GRIA1: variants seen among roughly 807,000 people sequenced by gnomAD.
GRIA1 encodes the protein glutamate receptor 1.
GRIA1 carries 31 observed loss-of-function variants against 99.2 expected under a neutral mutation model. That is an observed-to-expected ratio of 0.31 (90% CI 0.23 to 0.42). The LOEUF (loss-of-function observed/expected upper bound fraction) is 0.42. Ranked by LOEUF, GRIA1 falls within the 10% of genes least tolerant of loss-of-function variation. The pLI is 1.00. For synonymous variants in GRIA1, 438 were observed against 432.4 expected, an observed-to-expected ratio of 1.01 and a Z score of -0.16; for missense variants, 782 against 1,157.5, an observed-to-expected ratio of 0.68 and a Z score of 4.71.
chr5:153,623,799 A>G (rs1367295680), intron 2 of GRIA1, among the ~76,000 whole-genome samples: 1 of 152,212 alleles, frequency 6.6e-6, no homozygotes, highest in African/African-American at 2.4e-5. Flanking sequence ...TTGGGAAGTG[A>G]TATCAATCAG....
At chr5:153,770,452 T>C (rs1423774889) in intron 13 of GRIA1, 37 bp downstream of exon 13, 1 of 1,589,408 alleles carries the variant, frequency 6.3e-7, no homozygotes, top group African/African-American at 1.3e-5. Flanking sequence ...GTACTCCCTC[T>C]CCCCTCCCTA....
At chr5:153,810,354 T>G (rs922953954) in intron 15 of GRIA1, among the ~76,000 whole-genome samples, 3 of 152,236 alleles carry the variant, frequency 2.0e-5, no homozygotes, top group African/African-American at 7.2e-5. Flanking sequence ...ATTTTGCATA[T>G]TGTATTATTC....
intron 13 of GRIA1, among the ~76,000 whole-genome samples, chr5:153,778,413 A>G (rs1764412240): frequency 1.3e-5 from 2 of 151,978 alleles, no homozygotes; most frequent in Non-Finnish European, 2.9e-5. Flanking sequence ...ACTTGTTGTT[A>G]ATATTATTGA....
chr5:153,504,575 G>A (rs1005270627), intron 2 of GRIA1, among the ~76,000 whole-genome samples: 1 of 152,096 alleles, frequency 6.6e-6, no homozygotes, highest in Admixed American at 6.6e-5. Flanking sequence ...AATGAGACAA[G>A]CACATACAAG....
intron 11 of GRIA1, among the ~76,000 whole-genome samples, chr5:153,743,862 C>A (rs1409582024): frequency 3.9e-5 from 6 of 152,170 alleles, no homozygotes; most frequent in Non-Finnish European, 8.8e-5. Context: ...TACTGCACAT[C>A]CTATGCATAA....
chr5:153,615,595 G>A (rs1766419404), intron 2 of GRIA1, among the ~76,000 whole-genome samples: 1 of 152,182 alleles, frequency 6.6e-6, no homozygotes, highest in Admixed American at 6.5e-5. Context: ...AGTGAGCTAT[G>A]ATTGCACCTC....
chr5:153,676,389 A>G (rs1756586856), intron 6 of GRIA1, among the ~76,000 whole-genome samples: 1 of 152,240 alleles, frequency 6.6e-6, no homozygotes, highest in Admixed American at 6.5e-5. Context: ...CCTTTTTGTC[A>G]GGAGAGGGTA....
At chr5:153,533,271 A>G (rs1366198838) in intron 2 of GRIA1, among the ~76,000 whole-genome samples, 2 of 152,090 alleles carry the variant, frequency 1.3e-5, no homozygotes, top group African/African-American at 4.8e-5. Context: ...AGGCATTTCA[A>G]TTCAGTCTTG....
At chr5:153,697,014 G>A (rs1192300928) in intron 8 of GRIA1, among the ~76,000 whole-genome samples, 1 of 152,132 alleles carries the variant, frequency 6.6e-6, no homozygotes, top group Non-Finnish European at 1.5e-5. Context: ...GCCCTTTTGG[G>A]CTAACTCTAT....
At chr5:153,751,661 C>T (rs1467456449) in intron 11 of GRIA1, among the ~76,000 whole-genome samples, 1 of 152,220 alleles carries the variant, frequency 6.6e-6, no homozygotes, top group Non-Finnish European at 1.5e-5. Context: ...CAAATCTAAA[C>T]TGTGACATTA....
At chr5:153,686,161 G>A (rs1163689129) in intron 7 of GRIA1, 64 bp from the exon 8 acceptor site, 5 of 1,220,270 alleles carry the variant, frequency 4.1e-6, no homozygotes, top group African/African-American at 1.5e-5. Flanking sequence ...TACTTCAGTG[G>A]AAAAAGCAAA....
chr5:153,745,572 A>T, intron 11 of GRIA1, among the ~76,000 whole-genome samples: 1 of 146,508 alleles, frequency 6.8e-6, no homozygotes, highest in Admixed American at 7.0e-5. Flanking sequence ...CTGGGCAACA[A>T]AAGCAAAACT....
At chr5:153,569,814 T>C (rs1248911620) in intron 2 of GRIA1, among the ~76,000 whole-genome samples, 2 of 152,176 alleles carry the variant, frequency 1.3e-5, no homozygotes, top group Non-Finnish European at 2.9e-5. Flanking sequence ...ACGGACCTCA[T>C]AAACCTAAAG....
intron 2 of GRIA1, among the ~76,000 whole-genome samples, chr5:153,558,444 A>T (rs1760842917): frequency 6.6e-6 from 1 of 152,102 alleles, no homozygotes; most frequent in Admixed American, 6.6e-5. Flanking sequence ...TTCTGTTTCT[A>T]TAATTTTTTT....
rs566244357 is a variant in GRIA1, at chr5:153,785,938, C to T, written c.2271-8683C>T. ...TGCCCTCTGGCATCTCAGAGAATAA[C>T]GCTAATTCCTCTTCCACTGACAACC... is the stretch of plus-strand genomic sequence containing the variant. On this transcript the variant is annotated intron_variant, in intron 13 of 15. Transcript: ENST00000285900. Among the ~76,000 whole-genome samples, 45 of 152,342 alleles carry T rather than the reference C, an allele frequency of 3.0e-4. No homozygotes were observed. The South Asian group carries it at 8.3e-3, about 28-fold the overall frequency.
intron 13 of GRIA1, 149 bp from the exon 14 acceptor site, chr5:153,794,472 G>T: frequency 1.5e-6 from 1 of 650,150 alleles, no homozygotes; most frequent in East Asian, 2.8e-5. Flanking sequence ...CCCAATTCCT[G>T]CAGTGATGTT....
At chr5:153,562,323 G>C (rs532242415) in intron 2 of GRIA1, among the ~76,000 whole-genome samples, 1 of 152,232 alleles carries the variant, frequency 6.6e-6, no homozygotes, top group East Asian at 1.9e-4. Flanking sequence ...GACTTGGAGT[G>C]GGGGTGGAGG....
intron 5 of GRIA1, among the ~76,000 whole-genome samples, chr5:153,660,951 C>T (rs1205763466): frequency 6.6e-6 from 1 of 152,182 alleles, no homozygotes; most frequent in Non-Finnish European, 1.5e-5. Flanking sequence ...TACTTGGGAA[C>T]CAGGACAGTT....
intron 2 of GRIA1, among the ~76,000 whole-genome samples, chr5:153,590,772 C>A (rs1763904594): frequency 2.0e-5 from 3 of 152,108 alleles, no homozygotes; most frequent in Non-Finnish European, 1.5e-5. Context: ...AAGCAGTAAA[C>A]CTGCATTTGT....
Sources: allele counts gnomAD v4.1 joint callset (sites outside exome capture counted in the v4.1 genomes callset), GRCh38; gene constraint gnomAD v4.1.1; transcripts MANE v1.5; gene names NCBI Gene and HGNC (gene_info 2026-07-23, HGNC 2026-07-21).